Variants in COL10A1 observed in about 807,000 individuals in gnomAD.
COL10A1 encodes collagen type X alpha 1 chain, also known as collagen alpha-1(X) chain.
COL10A1 carries 10 observed loss-of-function variants against 18.2 expected under a neutral mutation model. That is an observed-to-expected ratio of 0.55 (90% CI 0.34 to 0.93). The LOEUF (loss-of-function observed/expected upper bound fraction) is 0.93. Among genes scored for constraint, COL10A1 ranks in the 40% least tolerant of loss-of-function variants. COL10A1 has a pLI of 0.02. For missense variants in COL10A1, 897 were observed against 853.5 expected (o/e 1.05, Z -0.64); for synonymous variants, 330 against 316.6 (o/e 1.04, Z -0.45).
the COL10A1 span, among the ~76,000 whole-genome samples, chr6:116,208,639 T>C: frequency 6.6e-6 from 1 of 152,052 alleles, no homozygotes; most frequent in African/African-American, 2.4e-5. Context: ...TCTTTCAACT[T>C]CCTTTGACAT....
At chr6:116,161,812 T>C (rs1196784600), upstream of COL10A1, among the ~76,000 whole-genome samples, 4 of 152,234 alleles carry the variant, frequency 2.6e-5, no homozygotes, top group Non-Finnish European at 4.4e-5. Context: ...TCTAGATTGC[T>C]TTGGGCAGTA....
the COL10A1 span, among the ~76,000 whole-genome samples, chr6:116,199,318 T>C: frequency 6.6e-6 from 1 of 152,076 alleles, no homozygotes. Flanking sequence ...TCTTTGATGC[T>C]GTGTTCTCAT....
chr6:116,144,313 C>T (rs1779841220), intron 1 of COL10A1, among the ~76,000 whole-genome samples: 1 of 152,072 alleles, frequency 6.6e-6, no homozygotes, highest in Non-Finnish European at 1.5e-5. Flanking sequence ...CCATCCTGGC[C>T]AACATGGTGA....
chr6:116,172,366 G>A, the COL10A1 span, among the ~76,000 whole-genome samples: 1 of 134,232 alleles, frequency 7.4e-6, no homozygotes, highest in Non-Finnish European at 1.5e-5. Flanking sequence ...CTGTTGCCCA[G>A]GCTGGAGTGC....
In COL10A1 at chr6:116,140,380, A is replaced by G. The variant is rs377108657; in HGVS notation, c.-15-14873T>C. Among the ~76,000 whole-genome samples, 6 of 152,224 alleles carry G rather than the reference A, an allele frequency of 3.9e-5. No individual in the cohort carries two copies. In the East Asian group the frequency reaches 1.2e-3, roughly 29 times the overall value. ...ACATCACACCTCTCTTTTCTGCCTT[A>G]CATTCCTGGTTTCCACAATTTTCAA... On this transcript the variant is annotated intron_variant, in intron 1 of 1. Transcript: ENST00000418500.
At chr6:116,212,529 A>C in the COL10A1 span, among the ~76,000 whole-genome samples, 1 of 152,144 alleles carries the variant, frequency 6.6e-6, no homozygotes, top group Admixed American at 6.6e-5. Context: ...TTTATTAGTA[A>C]GAAAAGATAT....
intron 1 of COL10A1, among the ~76,000 whole-genome samples, chr6:116,147,093 C>A (rs1385395145): frequency 6.6e-6 from 1 of 151,018 alleles, no homozygotes; most frequent in Non-Finnish European, 1.5e-5. Context: ...ATGAATCTGA[C>A]AATATTAAAA....
At chr6:116,176,302 A>G in the COL10A1 span, among the ~76,000 whole-genome samples, 1 of 151,822 alleles carries the variant, frequency 6.6e-6, no homozygotes, top group African/African-American at 2.4e-5. Context: ...ATAGCACCAC[A>G]CTCTTGCTCT....
chr6:116,158,597 G>C (rs147446633), intron 1 of COL10A1: 3 of 152,074 alleles, frequency 2.0e-5, no homozygotes, highest in Non-Finnish European at 2.9e-5. Flanking sequence ...ATTGTCACAC[G>C]TTTGAATTTC....
chr6:116,135,863 A>ATGTG (rs1562132679), intron 1 of COL10A1, among the ~76,000 whole-genome samples: 22 of 124,872 alleles, frequency 1.8e-4, no homozygotes, highest in African/African-American at 6.3e-4. Flanking sequence ...ATATATATAT[A>ATGTG]TATATATATA....
chr6:116,167,235 A>G, the COL10A1 span, among the ~76,000 whole-genome samples: 1 of 113,914 alleles, frequency 8.8e-6, no homozygotes, highest in Non-Finnish European at 1.7e-5. Flanking sequence ...TTTTTTTGAG[A>G]CAGAATCTTG....
At chr6:116,164,356 T>G in the COL10A1 span, among the ~76,000 whole-genome samples, 1 of 152,342 alleles carries the variant, frequency 6.6e-6, no homozygotes, top group South Asian at 2.1e-4. Context: ...TTTGTCTTTT[T>G]TTACTCTTGT....
At chr6:116,154,980 GTTTAAC>G (rs1780148298) in intron 1 of COL10A1, among the ~76,000 whole-genome samples, 1 of 152,128 alleles carries the variant, frequency 6.6e-6, no homozygotes, top group Non-Finnish European at 1.5e-5. Flanking sequence ...TGTTCTTTCT[GTTTAAC>G]TTTTACTCCC....
At chr6:116,178,052 AGTGTGTGTGTGTGTGT>A in the COL10A1 span, among the ~76,000 whole-genome samples, 12 of 136,318 alleles carry the variant, frequency 8.8e-5, no homozygotes, top group African/African-American at 3.0e-4. Context: ...CAAAGAGGAA[AGTGTGTGTGTGTGTGT>A]GTGTGTGTGT....
At chr6:116,211,064 G>T in the COL10A1 span, among the ~76,000 whole-genome samples, 8 of 152,034 alleles carry the variant, frequency 5.3e-5, no homozygotes, top group African/African-American at 1.9e-4. Flanking sequence ...GAGCCTTGCA[G>T]CTTTTGCTTG....
At chr6:116,124,783 A>C (rs1469645086) in intron 2 of COL10A1, among the ~76,000 whole-genome samples, 1 of 152,228 alleles carries the variant, frequency 6.6e-6, no homozygotes, top group East Asian at 1.9e-4. Context: ...CAAAATGTAT[A>C]AGTAATTATG....
intron 1 of COL10A1, among the ~76,000 whole-genome samples, chr6:116,142,829 T>A (rs1379491260): frequency 6.6e-6 from 1 of 152,210 alleles, no homozygotes; most frequent in Non-Finnish European, 1.5e-5. Context: ...GTTCTAAAAG[T>A]TATTTTCGTG....
chr6:116,177,002 C>T, the COL10A1 span, among the ~76,000 whole-genome samples: 12 of 152,260 alleles, frequency 7.9e-5, no homozygotes, highest in East Asian at 2.1e-3. Context: ...GAATTGAAGA[C>T]TAGGGCACAT....
chr6:116,143,203 A>C (rs1393648306), intron 1 of COL10A1, among the ~76,000 whole-genome samples: 1 of 151,906 alleles, frequency 6.6e-6, no homozygotes, highest in South Asian at 2.1e-4. Flanking sequence ...ACATTTTCTC[A>C]CCTCTTTTGT....
Sources: gnomAD v4.1 joint callset for allele counts (sites outside exome capture counted in the v4.1 genomes callset) on GRCh38, gnomAD v4.1.1 for gene constraint, MANE v1.5 for transcripts, NCBI Gene and HGNC (gene_info 2026-07-23, HGNC 2026-07-21) for gene names.